Variants in UBE2L3 observed in about 807,000 individuals in gnomAD.
UBE2L3 encodes the protein ubiquitin-conjugating enzyme E2 L3.
UBE2L3 carries 1 observed loss-of-function variant against 17.8 expected under a neutral mutation model. The ratio of observed to expected loss-of-function variants is 0.06; its 90% CI spans 0.02 to 0.27. UBE2L3 has a LOEUF of 0.27. UBE2L3 is among the 10% of genes least tolerant of loss of function. The pLI, the probability that UBE2L3 is intolerant of heterozygous loss-of-function variation, is 1.00. For synonymous variants in UBE2L3, 44 were observed against 68.5 expected (o/e 0.64, Z 1.76); for missense variants, 40 against 192.6 (o/e 0.21, Z 4.69).
At chr22:21,566,355 G>A (rs908582669), upstream of UBE2L3, among the ~76,000 whole-genome samples, 2 of 151,958 alleles carry the variant, frequency 1.3e-5, no homozygotes, top group Non-Finnish European at 2.9e-5. Context: ...AGGTTGCGGC[G>A]GGAGGACTGC....
intron 1 of UBE2L3, among the ~76,000 whole-genome samples, chr22:21,573,490 C>G (rs1362846378): frequency 6.6e-6 from 1 of 152,126 alleles, no homozygotes; most frequent in African/African-American, 2.4e-5. Flanking sequence ...TGGCACGTAC[C>G]TGGAACAAAG....
At chr22:21,610,274 C>T (rs1266462367) in intron 2 of UBE2L3, among the ~76,000 whole-genome samples, 1 of 152,206 alleles carries the variant, frequency 6.6e-6, no homozygotes, top group Non-Finnish European at 1.5e-5. Flanking sequence ...ACTCCTAATA[C>T]CATCACATTG....
chr22:21,564,787 G>C (rs1258042237), upstream of UBE2L3, among the ~76,000 whole-genome samples: 3 of 152,180 alleles, frequency 2.0e-5, no homozygotes, highest in Admixed American at 2.0e-4. Context: ...GAGGAAAGCA[G>C]TTCCCAATAC....
intron 1 of UBE2L3, among the ~76,000 whole-genome samples, chr22:21,559,919 T>C (rs1278343951): frequency 1.3e-5 from 2 of 152,284 alleles, no homozygotes; most frequent in African/African-American, 2.4e-5. Context: ...AGAGGGACCG[T>C]GCTGCTCTTC....
intron 2 of UBE2L3, among the ~76,000 whole-genome samples, chr22:21,604,548 G>T (rs1251287003): frequency 6.6e-6 from 1 of 152,096 alleles, no homozygotes; most frequent in Non-Finnish European, 1.5e-5. Flanking sequence ...TTGAAATGTT[G>T]CAGCTTAAGT....
intron 1 of UBE2L3, among the ~76,000 whole-genome samples, chr22:21,584,270 C>T (rs538847582): frequency 2.0e-5 from 3 of 149,806 alleles, no homozygotes; most frequent in South Asian, 4.2e-4. Flanking sequence ...CTCCACCTCC[C>T]GGGTTCAAGC....
chr22:21,582,164 A>T (rs916030058), intron 1 of UBE2L3, among the ~76,000 whole-genome samples: 3 of 151,748 alleles, frequency 2.0e-5, no homozygotes, highest in South Asian at 4.2e-4. Context: ...ACAGTTCAGA[A>T]CAACGTCTGG....
chr22:21,616,538 G>C (rs529397203), intron 3 of UBE2L3, among the ~76,000 whole-genome samples: 1 of 151,980 alleles, frequency 6.6e-6, no homozygotes, highest in Non-Finnish European at 1.5e-5. Flanking sequence ...TGTAGTCCCA[G>C]CTACTCAGGA....
chr22:21,605,838 C>T (rs150045113), intron 2 of UBE2L3, among the ~76,000 whole-genome samples: 3 of 152,134 alleles, frequency 2.0e-5, no homozygotes, highest in African/African-American at 7.2e-5. Context: ...GGTTCTCATT[C>T]TGTCACCCAG....
intron 1 of UBE2L3, among the ~76,000 whole-genome samples, chr22:21,578,597 G>A (rs188846815): frequency 8.0e-4 from 121 of 152,176 alleles, no homozygotes; most frequent in African/African-American, 2.8e-3. Flanking sequence ...GGAATGCCAG[G>A]CACACCCATG....
At chr22:21,576,225 C>T (rs1601400466) in intron 1 of UBE2L3, among the ~76,000 whole-genome samples, 1 of 150,696 alleles carries the variant, frequency 6.6e-6, no homozygotes, top group African/African-American at 2.4e-5. Context: ...AGCAATTCTT[C>T]TGCCTCAGCC....
chr22:21,552,049 TGA>T (rs1926088975), intron 1 of UBE2L3, among the ~76,000 whole-genome samples: 1 of 133,514 alleles, frequency 7.5e-6, no homozygotes, highest in Non-Finnish European at 1.6e-5. Flanking sequence ...ACTGCCTCTC[TGA>T]CTGGTGGCCA....
At position 21,592,751 on chromosome 22, in the gene UBE2L3, T is replaced by G. The variant is rs1331964165; in HGVS notation, c.28-110T>G. The stretch of plus-strand genomic sequence containing the variant: ...CACAGTTTAGTCCTCACTGTCCAAT[T>G]TTGTCATTAGCATTTTTGGCACTTG... On this transcript the variant is annotated intron_variant, in intron 1 of 3. Transcript: ENST00000342192. The G allele has an allele frequency of 7.0e-6, 6 of 857,484 alleles. No individual in the cohort carries two copies. The Admixed American group carries it at 8.0e-5, about 11-fold the overall frequency. 53.1% of individuals were successfully genotyped at this position (857,484 alleles called of 1,614,324 possible). A position where few individuals can be genotyped will look rare whatever the true frequency, so the allele number is the denominator to read the frequency against.
At chr22:21,563,396 C>G (rs1309000781), upstream of UBE2L3, among the ~76,000 whole-genome samples, 1 of 124,538 alleles carries the variant, frequency 8.0e-6, no homozygotes, top group Non-Finnish European at 1.7e-5. Flanking sequence ...CTGAAAATAC[C>G]AAAAAAAAAA....
upstream of UBE2L3, among the ~76,000 whole-genome samples, chr22:21,563,802 C>T (rs1003803963): frequency 2.0e-5 from 3 of 151,654 alleles, no homozygotes; most frequent in Non-Finnish European, 2.9e-5. Flanking sequence ...GTCTCGAACT[C>T]CTGACCTTGT....
intron 3 of UBE2L3, among the ~76,000 whole-genome samples, chr22:21,619,795 G>A (rs985874497): frequency 1.1e-4 from 16 of 152,250 alleles, no homozygotes; most frequent in African/African-American, 3.1e-4. Context: ...GGGTTCAAGC[G>A]ATTCTCCTGC....
rs5998534 is a variant in UBE2L3, at chr22:21,570,830, C to T, written c.27+3059C>T. Among the ~76,000 whole-genome samples the T allele has an allele frequency of 6.0e-3, 919 of 152,240 alleles. 6 individuals are homozygous for T. Among genetic ancestry groups the T allele is most frequent in the African/African-American group, 0.021 (862 of 41,530 alleles). Reference sequence around the variant, plus strand: ...TGGGGCTTAGTGCATGGAACAGTGCCTTAGGCATAGCAATCTAGCAAATGT... The same window carrying T: ...TGGGGCTTAGTGCATGGAACAGTGCTTTAGGCATAGCAATCTAGCAAATGT... On this transcript the variant is annotated intron_variant, in intron 1 of 3. Coordinates refer to ENST00000342192, the MANE Select transcript of UBE2L3 (RefSeq NM_003347.4).
At chr22:21,593,691 C>G (rs902361774) in intron 2 of UBE2L3, among the ~76,000 whole-genome samples, 2 of 152,142 alleles carry the variant, frequency 1.3e-5, no homozygotes, top group Admixed American at 1.3e-4. Flanking sequence ...CTCCTGAAAC[C>G]ACGTCACACC....
At chr22:21,562,670 CTT>C (rs131653) in intron 1 of UBE2L3, among the ~76,000 whole-genome samples, 24,548 of 104,880 alleles carry the variant, frequency 0.23, 2,224 homozygotes, top group East Asian at 0.39. Context: ...CACGCCTGGG[CTT>C]TTTTTTTTTT....
Sources: gnomAD v4.1 joint callset for allele counts (sites outside exome capture counted in the v4.1 genomes callset) on GRCh38, gnomAD v4.1.1 for gene constraint, MANE v1.5 for transcripts, NCBI Gene and HGNC (gene_info 2026-07-23, HGNC 2026-07-21) for gene names.